AHRR: variants seen among roughly 807,000 people sequenced by gnomAD.
AHRR encodes the protein aryl hydrocarbon receptor repressor.
In AHRR, 28 loss-of-function variants were observed where a neutral mutation model predicts 44.0. The ratio of observed to expected loss-of-function variants is 0.64; its 90% CI spans 0.47 to 0.87. AHRR has a LOEUF of 0.87. AHRR is among the 40% of genes least tolerant of loss of function. The pLI is 0.00. For synonymous variants in AHRR, 434 were observed against 407.0 expected (o/e 1.07, Z -0.80); for missense variants, 990 against 953.9 (o/e 1.04, Z -0.50).
intron 5 of AHRR, among the ~76,000 whole-genome samples, chr5:416,748 G>A (rs1384080281): frequency 6.6e-6 from 1 of 152,232 alleles, no homozygotes. Flanking sequence ...ATCCTTCACT[G>A]TGGGGTGCCG....
At chr5:339,946 A>G (rs59146817) in intron 1 of AHRR, among the ~76,000 whole-genome samples, 3 of 152,202 alleles carry the variant, frequency 2.0e-5, no homozygotes, top group African/African-American at 7.2e-5. Flanking sequence ...TCTATTTGCC[A>G]ATACCTATAT....
intron 2 of AHRR, among the ~76,000 whole-genome samples, chr5:351,756 A>C (rs1445469824): frequency 2.0e-5 from 3 of 152,236 alleles, no homozygotes; most frequent in Non-Finnish European, 4.4e-5. Context: ...ACTGAAAACA[A>C]CTGCTCTGGG....
intron 3 of AHRR, among the ~76,000 whole-genome samples, chr5:361,746 T>C (rs78792835): frequency 0.098 from 14,967 of 152,288 alleles, 1,049 homozygotes; most frequent in Non-Finnish European, 0.13. Flanking sequence ...GCCTGTTCAC[T>C]GTTGTATTTT....
At chr5:401,136 G>A (rs1734998752) in intron 4 of AHRR, among the ~76,000 whole-genome samples, 2 of 152,340 alleles carry the variant, frequency 1.3e-5, no homozygotes, top group East Asian at 1.9e-4. Context: ...GCTGCTTCAC[G>A]TTCTCACCTG....
chr5:433,066 C>A, intron 10 of AHRR, 119 bp downstream of exon 10: 2 of 1,256,650 alleles, frequency 1.6e-6, no homozygotes, highest in Non-Finnish European at 2.1e-6. Context: ...GCAGCCTTGG[C>A]CACCACACGA....
At chr5:322,985 G>A (rs1450726844) in intron 1 of AHRR, among the ~76,000 whole-genome samples, 1 of 152,248 alleles carries the variant, frequency 6.6e-6, no homozygotes, top group Non-Finnish European at 1.5e-5. Flanking sequence ...TTTCTCAGAG[G>A]AGTGCTGTCA....
intron 8 of AHRR, among the ~76,000 whole-genome samples, chr5:429,635 G>A (rs1012923177): frequency 6.6e-6 from 1 of 152,212 alleles, no homozygotes; most frequent in African/African-American, 2.4e-5. Flanking sequence ...GCCTTGCCGC[G>A]CGATCCTGCA....
intron 4 of AHRR, among the ~76,000 whole-genome samples, chr5:377,486 G>A (rs376472993): frequency 1.1e-3 from 175 of 152,254 alleles, no homozygotes; most frequent in African/African-American, 3.6e-3. Context: ...GGCTCCAGCC[G>A]GAACTCAGGA....
At chr5:429,153 A>C (rs1736603006) in intron 8 of AHRR, among the ~76,000 whole-genome samples, 1 of 152,234 alleles carries the variant, frequency 6.6e-6, no homozygotes, top group Admixed American at 6.5e-5. Context: ...GTGCCTATAG[A>C]AACTGTGTTC....
chr5:434,182 G>A lies in AHRR; in HGVS notation c.1442G>A (p.Cys481Tyr), dbSNP rs765848106. The A allele has an allele frequency of 1.9e-6, 3 of 1,596,568 alleles. No individual in the cohort carries two copies. Among genetic ancestry groups the A allele is most frequent in the Non-Finnish European group, 2.6e-6 (3 of 1,171,604 alleles). ...VGEDQVHPPLCHFPQRSLQHQ... is the reference protein window; with the variant it reads ...VGEDQVHPPLYHFPQRSLQHQ... The stretch of plus-strand genomic sequence containing the variant: ...GAGGACCAGGTGCACCCTCCCCTCT[G>A]CCACTTTCCCCAGAGGAGCCTGCAG... The change falls in exon 11 of 11, where the codon TGC becomes TAC. Residue 481 changes from cysteine (C) to tyrosine (Y), a missense_variant. Physicochemically the swap from Cys to Tyr is radical, Grantham distance 194. Transcript: ENST00000684583.
intron 8 of AHRR, among the ~76,000 whole-genome samples, chr5:430,317 C>T (rs765286689): frequency 9.9e-5 from 15 of 152,226 alleles, no homozygotes; most frequent in South Asian, 4.1e-4. Context: ...GCGCCTTTGA[C>T]GGGCAGCACA....
chr5:353,687 T>G (rs1261540629), intron 2 of AHRR, 43 bp from the exon 3 acceptor site: 2 of 1,564,560 alleles, frequency 1.3e-6, no homozygotes, highest in East Asian at 4.5e-5. Context: ...GGCCTGTGGC[T>G]TCTGGTGGAG....
chr5:324,559 G>A (rs1293216289), intron 1 of AHRR, among the ~76,000 whole-genome samples: 4 of 151,762 alleles, frequency 2.6e-5, no homozygotes, highest in African/African-American at 7.3e-5. Context: ...GCTGAGGCGG[G>A]TGGATCACCT....
intron 7 of AHRR, among the ~76,000 whole-genome samples, chr5:424,497 C>T (rs13360218): frequency 0.31 from 40,499 of 130,836 alleles, 7,323 homozygotes; most frequent in Non-Finnish European, 0.42. Flanking sequence ...GAGCTCTGTG[C>T]ACCCGGCGAT....
rs78442995 is a variant in AHRR at position 399,857 on chromosome 5, T to C, written c.352-13487T>C. ...TCCGGCCAGCTGCATTCTCAAGAAC[T>C]GTTTTCAAATGTCGGAGCTGCTCCG... On this transcript the variant is annotated intron_variant, in intron 4 of 10. Coordinates refer to ENST00000684583, the MANE Select transcript of AHRR (RefSeq NM_001377236.1). Among the ~76,000 whole-genome samples, 60 of 152,346 alleles carry C rather than the reference T, an allele frequency of 3.9e-4. 1 individual carries two copies. The East Asian group carries it at 0.01, about 26-fold the overall frequency.
intron 7 of AHRR, 57 bp from the exon 8 acceptor site, chr5:427,749 GA>G: frequency 6.2e-7 from 1 of 1,612,224 alleles, no homozygotes; most frequent in Non-Finnish European, 8.5e-7. Flanking sequence ...TGTGTCCTGT[GA>G]CCACCTTGCC....
chr5:335,870 C>G (rs1560879658), intron 1 of AHRR, among the ~76,000 whole-genome samples: 1 of 152,268 alleles, frequency 6.6e-6, no homozygotes, highest in Non-Finnish European at 1.5e-5. Context: ...CAACTCTCAT[C>G]TTGCTCAAGT....
At chr5:367,904 A>G (rs1034149175) in intron 3 of AHRR, 12 of 702,452 alleles carry the variant, frequency 1.7e-5, no homozygotes, top group Non-Finnish European at 2.9e-5. Flanking sequence ...TTGGACACCC[A>G]GGCCCTGAGA....
chr5:422,546 G>C (rs369864699), intron 5 of AHRR, 183 bp from the exon 6 acceptor site: 3 of 758,306 alleles, frequency 4.0e-6, no homozygotes, highest in Non-Finnish European at 2.1e-6. Flanking sequence ...AGGCAACTTA[G>C]ACATCTTCTC....
Sources: gnomAD v4.1 joint callset for allele counts (sites outside exome capture counted in the v4.1 genomes callset) on GRCh38, gnomAD v4.1.1 for gene constraint, MANE v1.5 for transcripts, NCBI Gene and HGNC (gene_info 2026-07-23, HGNC 2026-07-21) for gene names.